The following RC3H1 variants were observed in gnomAD, a reference collection of about 807,000 sequenced individuals.
RC3H1 encodes roquin-1.
In RC3H1, 50 loss-of-function variants were observed where a neutral mutation model predicts 138.2. That is an observed-to-expected ratio of 0.36 (90% CI 0.29 to 0.46). RC3H1 has a LOEUF of 0.46. Among genes scored for constraint, RC3H1 ranks in the 20% least tolerant of loss-of-function variants. RC3H1 has a pLI of 1.00. For synonymous variants in RC3H1, 462 were observed against 489.1 expected (o/e 0.94, Z 0.73); for missense variants, 1,031 against 1,388.1 (o/e 0.74, Z 4.09).
At chr1:173,965,302 T>TGTGTA (rs1173664121) in intron 9 of RC3H1, among the ~76,000 whole-genome samples, 182 bp from the exon 10 acceptor site, 2 of 152,120 alleles carry the variant, frequency 1.3e-5, no homozygotes, top group Non-Finnish European at 1.5e-5. Context: ...CTCATAAAAA[T>TGTGTA]GTGTAACATA....
intron 8 of RC3H1, among the ~76,000 whole-genome samples, chr1:173,972,081 A>G (rs1660382252): frequency 6.6e-6 from 1 of 152,210 alleles, no homozygotes; most frequent in South Asian, 2.1e-4. Context: ...AAATATTAAT[A>G]AGAAAATCTA....
intron 5 of RC3H1, among the ~76,000 whole-genome samples, chr1:173,982,195 C>T (rs1405673753): frequency 6.6e-6 from 1 of 152,092 alleles, no homozygotes; most frequent in Non-Finnish European, 1.5e-5. Flanking sequence ...GCCTGGCCAA[C>T]ATGGCGAAAC....
chr1:173,936,821 A>C lies in RC3H1; in HGVS notation c.*1900T>G, dbSNP rs1336601962. 2.8e-5 allele frequency: 4 copies of C among 143,720 alleles called. No homozygotes were observed. The highest frequency in any genetic ancestry group is 1.0e-4 in the African/African-American group (4 of 39,796). 8.9% of individuals were successfully genotyped at this position (143,720 alleles called of 1,614,324 possible). A position where few individuals can be genotyped will look rare whatever the true frequency, so the allele number is the denominator to read the frequency against. ...GTATAAGAAAACTGGAAAAAAAAAAAGCCTCACCTTCATTCAGTGCTTCTA... is the reference window on the plus strand; with the variant it reads ...GTATAAGAAAACTGGAAAAAAAAAACGCCTCACCTTCATTCAGTGCTTCTA... On this transcript the variant is annotated 3_prime_UTR_variant, in exon 20 of 20. Coordinates refer to ENST00000367696, the MANE Select transcript of RC3H1 (RefSeq NM_172071.4).
At chr1:173,985,603 T>C (rs1660995250) in intron 2 of RC3H1, among the ~76,000 whole-genome samples, 1 of 151,504 alleles carries the variant, frequency 6.6e-6, no homozygotes, top group African/African-American at 2.4e-5. Flanking sequence ...TCAGGTTAAT[T>C]AACAAATCCA....
chr1:173,987,662 T>C (rs1214486085), intron 2 of RC3H1, among the ~76,000 whole-genome samples: 2 of 152,188 alleles, frequency 1.3e-5, no homozygotes, highest in African/African-American at 2.4e-5. Flanking sequence ...CACATTACTA[T>C]TGGGGTGTTG....
intron 7 of RC3H1, among the ~76,000 whole-genome samples, chr1:173,973,558 T>C (rs1269581296): frequency 6.7e-6 from 1 of 150,244 alleles, no homozygotes; most frequent in African/African-American, 2.5e-5. Context: ...AAAAGTTTAA[T>C]AGAAGAACTA....
chr1:173,961,968 A>C lies in RC3H1; in HGVS notation c.1959T>G (p.Ser653=). The C allele has an allele frequency of 2.5e-6, 4 of 1,614,138 alleles. No homozygotes were observed. Among genetic ancestry groups the C allele is most frequent in the Non-Finnish European group, 2.5e-6 (3 of 1,180,020 alleles). Residue 653 remains serine (S), a synonymous_variant, in exon 12 of 20, where the codon TCT becomes TCG. Coordinates refer to ENST00000367696, the MANE Select transcript of RC3H1 (RefSeq NM_172071.4). The part of the protein sequence containing the change: ...PPYLQERVVN[S]QYGTQPQQYP... ...ACTGCTGTGGCTGTGTGCCATACTG[A>C]GAGTTTACAACACGTTCTTGGAGGT...
chr1:173,936,450 G>A lies in RC3H1; in HGVS notation c.*2271C>T, dbSNP rs1301962326. ...AATCGCTTGAACCCGGGAGGTGGAG[G>A]TTGTAGCGAGCCGAGATCAACCCAC... On this transcript the variant is annotated 3_prime_UTR_variant, in exon 20 of 20. Transcript: ENST00000367696. The A allele has an allele frequency of 7.4e-6, 1 of 136,038 alleles. No individual in the cohort carries two copies. The highest frequency in any genetic ancestry group is 1.5e-5 in the Non-Finnish European group (1 of 65,274). The allele number at this position is 136,038 out of a possible 1,614,324, so 8.4% of individuals were successfully genotyped here.
intron 18 of RC3H1, 127 bp from the exon 19 acceptor site, chr1:173,941,507 A>G: frequency 1.6e-6 from 1 of 621,460 alleles, no homozygotes; most frequent in African/African-American, 1.8e-5. Context: ...TAACCAAAGA[A>G]ACTGGCAGAC....
intron 2 of RC3H1, among the ~76,000 whole-genome samples, chr1:173,987,511 T>C (rs754794809): frequency 1.3e-5 from 2 of 152,216 alleles, no homozygotes; most frequent in African/African-American, 2.4e-5. Context: ...TACTTCTCTA[T>C]ACTTTCCAGT....
Position 173,961,136 on chromosome 1 carries a change from T to G in RC3H1, c.2311A>C (p.Ile771Leu), listed in dbSNP as rs377588868. ...GAAGGTGCAAAAGGAGGTGGAGAGA[T>G]AACCTTTCTTTCCTCTAGCTGGGCC... ...IMAQLEERKV[I>L]SPPPFAPSPT... The change falls in exon 13 of 20, where the codon ATC becomes CTC. Residue 771 changes from isoleucine (I) to leucine (L), a missense_variant. Transcript: ENST00000367696. 3.1e-6 allele frequency: 5 copies of G among 1,613,840 alleles called. No individual in the cohort carries two copies. Among genetic ancestry groups the G allele is most frequent in the Non-Finnish European group, 4.2e-6 (5 of 1,179,932 alleles).
chr1:173,955,530 A>G (rs1571184799), intron 13 of RC3H1, among the ~76,000 whole-genome samples: 1 of 151,618 alleles, frequency 6.6e-6, no homozygotes, highest in East Asian at 2.0e-4. Flanking sequence ...ACTGTTAGCC[A>G]GGATGGTCTT....
chr1:173,945,714 G>GTT (rs199936325), intron 17 of RC3H1, among the ~76,000 whole-genome samples: 94 of 146,808 alleles, frequency 6.4e-4, no homozygotes, highest in African/African-American at 2.0e-3. Context: ...TCAAAGTTCT[G>GTT]TTTTTTTTTT....
chr1:173,992,622 T>C (rs1661335394), intron 2 of RC3H1, 133 bp downstream of exon 2: 1 of 649,020 alleles, frequency 1.5e-6, no homozygotes, highest in Non-Finnish European at 2.7e-6. Flanking sequence ...AAGGCAATGT[T>C]ACCCAATTTT....
intron 2 of RC3H1, among the ~76,000 whole-genome samples, chr1:173,986,129 C>T (rs1288007486): frequency 6.6e-6 from 1 of 151,504 alleles, no homozygotes; most frequent in Non-Finnish European, 1.5e-5. Flanking sequence ...TCCAGCGATT[C>T]TTCTGCCTCA....
chr1:173,983,248 T>C (rs928526962), intron 4 of RC3H1, among the ~76,000 whole-genome samples, 170 bp downstream of exon 4: 2 of 152,210 alleles, frequency 1.3e-5, no homozygotes, highest in African/African-American at 4.8e-5. Flanking sequence ...TAAGTTCACC[T>C]AGTAAGTCCA....
chr1:173,990,123 G>T (rs1412970947), intron 2 of RC3H1, among the ~76,000 whole-genome samples: 2 of 151,010 alleles, frequency 1.3e-5, no homozygotes, highest in Non-Finnish European at 2.9e-5. Flanking sequence ...TGTCACCCAG[G>T]TTGGAGTGCA....
At chr1:173,995,533 C>CAAA (rs1429449370) in intron 1 of RC3H1, among the ~76,000 whole-genome samples, 2 of 85,318 alleles carry the variant, frequency 2.3e-5, no homozygotes, top group Non-Finnish European at 2.4e-5. Flanking sequence ...GACTCCATCT[C>CAAA]AAAAAAAAAA....
At chr1:173,982,555 A>G (rs1660868616) in intron 5 of RC3H1, among the ~76,000 whole-genome samples, 172 bp downstream of exon 5, 1 of 152,278 alleles carries the variant, frequency 6.6e-6, no homozygotes, top group East Asian at 1.9e-4. Flanking sequence ...ATTCAATATA[A>G]TAGTATTTAA....
Sources: gnomAD v4.1 joint callset for allele counts (sites outside exome capture counted in the v4.1 genomes callset) on GRCh38, gnomAD v4.1.1 for gene constraint, MANE v1.5 for transcripts, NCBI Gene and HGNC (gene_info 2026-07-23, HGNC 2026-07-21) for gene names.